The following TCF12 variants were observed in gnomAD, a reference collection of about 807,000 sequenced individuals.
The protein encoded by TCF12 is transcription factor 12, also known as DNA-binding protein HTF4.
In TCF12, 45 loss-of-function variants were observed where a neutral mutation model predicts 86.0. That is an observed-to-expected ratio of 0.52 (90% CI 0.41 to 0.67). The LOEUF (loss-of-function observed/expected upper bound fraction) is 0.67, where lower values mean the gene tolerates loss of function less well. TCF12 is among the 30% of genes least tolerant of loss of function. TCF12 has a pLI of 0.00. For missense variants in TCF12, 881 were observed against 859.9 expected, an observed-to-expected ratio of 1.02 and a Z score of -0.31; for synonymous variants, 330 against 299.6, an observed-to-expected ratio of 1.10 and a Z score of -1.05.
At chr15:57,195,110 C>T (rs1487934034) in intron 7 of TCF12, among the ~76,000 whole-genome samples, 6 of 152,080 alleles carry the variant, frequency 3.9e-5, no homozygotes, top group Non-Finnish European at 7.4e-5. Flanking sequence ...ACCATGTTGG[C>T]CAGGCTGGTC....
chr15:56,995,924 T>C (rs1280166159), intron 3 of TCF12, among the ~76,000 whole-genome samples: 1 of 152,214 alleles, frequency 6.6e-6, no homozygotes, highest in Non-Finnish European at 1.5e-5. Context: ...TGTGGGTTTA[T>C]CATGGATTAC....
At chr15:57,074,187 G>A (rs754118628) in intron 4 of TCF12, among the ~76,000 whole-genome samples, 21 of 152,068 alleles carry the variant, frequency 1.4e-4, no homozygotes, top group Non-Finnish European at 2.8e-4. Context: ...ATTTGACCTT[G>A]GACAAGAGAG....
intron 6 of TCF12, among the ~76,000 whole-genome samples, chr15:57,174,896 A>C (rs1343530327): frequency 1.3e-5 from 2 of 152,162 alleles, no homozygotes; most frequent in Admixed American, 6.5e-5. Context: ...AGTTCTTCCT[A>C]AATTGGGTTA....
intron 5 of TCF12, among the ~76,000 whole-genome samples, chr15:57,159,954 A>G (rs2151503560): frequency 6.6e-6 from 1 of 152,360 alleles, no homozygotes; most frequent in Middle Eastern, 3.4e-3. Context: ...CTGCTGCAGA[A>G]AGAAATGCTG....
At chr15:57,278,266 CAA>C (rs1465442280) in intron 19 of TCF12, among the ~76,000 whole-genome samples, 1 of 152,132 alleles carries the variant, frequency 6.6e-6, no homozygotes, top group African/African-American at 2.4e-5. Flanking sequence ...AATCCCATGA[CAA>C]GAGCTACTGG....
chr15:57,269,360 C>CTTTTTTTTTTTTTTTT (rs56700978), intron 18 of TCF12, among the ~76,000 whole-genome samples: 2 of 32,002 alleles, frequency 6.2e-5, no homozygotes, highest in Non-Finnish European at 1.0e-4. Context: ...ACAACCCCTG[C>CTTTTTTTTTTTTTTTT]TTTTTTTTTT....
intron 3 of TCF12, chr15:57,001,327 C>T (rs2064022832): frequency 5.6e-6 from 1 of 179,442 alleles, no homozygotes. Context: ...AGGAATTCCA[C>T]AAATTGTATT....
intron 8 of TCF12, among the ~76,000 whole-genome samples, chr15:57,207,016 G>A (rs1292868553): frequency 6.6e-6 from 1 of 151,920 alleles, no homozygotes; most frequent in Non-Finnish European, 1.5e-5. Context: ...TAAGGTTGGA[G>A]GGATGGCTTA....
intron 12 of TCF12, among the ~76,000 whole-genome samples, chr15:57,236,958 C>T (rs1338013844): frequency 6.6e-6 from 1 of 151,946 alleles, no homozygotes; most frequent in Non-Finnish European, 1.5e-5. Context: ...AGATTGTGCC[C>T]GTGGAGAGTT....
intron 6 of TCF12, among the ~76,000 whole-genome samples, chr15:57,174,021 G>T (rs1240232112): frequency 6.6e-6 from 1 of 152,134 alleles, no homozygotes; most frequent in Non-Finnish European, 1.5e-5. Context: ...ATCTATTAAT[G>T]AAAGTTAATT....
intron 3 of TCF12, among the ~76,000 whole-genome samples, chr15:56,958,678 A>AGTGTGTGT (rs55707134): frequency 0.013 from 1,829 of 142,196 alleles, 58 homozygotes; most frequent in East Asian, 0.12. Flanking sequence ...AGAGAGAGAG[A>AGTGTGTGT]GTGTGTGTGT....
At chr15:57,209,241 A>C (rs142632732) in intron 8 of TCF12, among the ~76,000 whole-genome samples, 2 of 152,300 alleles carry the variant, frequency 1.3e-5, no homozygotes, top group African/African-American at 4.8e-5. Context: ...TTCTTTGTAT[A>C]AGAAACTGAA....
At chr15:57,261,287 G>A (rs1041694790) in intron 16 of TCF12, among the ~76,000 whole-genome samples, 3 of 152,146 alleles carry the variant, frequency 2.0e-5, no homozygotes, top group Admixed American at 6.5e-5. Context: ...GTGGAAGAAC[G>A]AATCTATTCT....
At chr15:57,129,042 A>G (rs556403618) in intron 5 of TCF12, among the ~76,000 whole-genome samples, 1 of 152,282 alleles carries the variant, frequency 6.6e-6, no homozygotes, top group East Asian at 1.9e-4. Context: ...TCTTGGGTGT[A>G]TACCTAGGAG....
intron 5 of TCF12, among the ~76,000 whole-genome samples, chr15:57,096,899 T>C (rs1051095133): frequency 6.6e-6 from 1 of 152,188 alleles, no homozygotes; most frequent in Non-Finnish European, 1.5e-5. Context: ...ATTTGACTTA[T>C]AAGCAGACCA....
chr15:57,092,777 A>C (rs1238404146), intron 5 of TCF12, among the ~76,000 whole-genome samples: 1 of 152,162 alleles, frequency 6.6e-6, no homozygotes, highest in African/African-American at 2.4e-5. Flanking sequence ...AAATATGGAA[A>C]GTTTGTGTAA....
At position 57,282,507 on chromosome 15, in the gene TCF12, G is replaced by T. The variant is rs751729307; in HGVS notation, c.2041G>T (p.Val681Leu). 2 of 1,614,102 alleles carry T rather than the reference G, an allele frequency of 1.2e-6. No individual in the cohort carries two copies. Among genetic ancestry groups the T allele is most frequent in the Non-Finnish European group, 8.5e-7 (1 of 1,180,050 alleles). ...AAGGGAAGAAGAAAAAGTTTCTGCCGTATCGGCAGAGCCGCCAACCACACT... is the reference window on the plus strand; with the variant it reads ...AAGGGAAGAAGAAAAAGTTTCTGCCTTATCGGCAGAGCCGCCAACCACACT... ...KRREEEKVSA[V>L]SAEPPTTLPG... is the part of the protein sequence containing the mutation. Residue 681 changes from valine (V) to leucine (L), a missense_variant, in exon 20 of 21, where the codon GTA becomes TTA. This residue lies in a region of TCF12 where 69 missense variants were observed against 64.2 expected (regional missense o/e 1.07). Transcript: ENST00000333725.
chr15:57,146,806 G>C (rs778678800), intron 5 of TCF12, among the ~76,000 whole-genome samples: 1 of 152,026 alleles, frequency 6.6e-6, no homozygotes, highest in African/African-American at 2.4e-5. Context: ...ATTGTATTTG[G>C]CGTGAAATTG....
chr15:56,953,331 ACAT>A (rs2061363397), intron 3 of TCF12, among the ~76,000 whole-genome samples: 1 of 151,954 alleles, frequency 6.6e-6, no homozygotes. Context: ...TCTGGTTTTG[ACAT>A]CAGTGTAATG....
Sources: allele counts gnomAD v4.1 joint callset (sites outside exome capture counted in the v4.1 genomes callset), GRCh38; gene constraint gnomAD v4.1.1; regional missense constraint gnomAD v4.1.1; transcripts MANE v1.5; gene names NCBI Gene and HGNC (gene_info 2026-07-23, HGNC 2026-07-21).